Variants in ABCB6 observed in about 807,000 individuals in gnomAD.
ABCB6 encodes the protein ATP binding cassette subfamily B member 6 (LAN blood group).
Under a neutral mutation model 99.4 loss-of-function variants are expected in ABCB6, and 87 were observed. The ratio of observed to expected loss-of-function variants is 0.88; its 90% CI spans 0.74 to 1.05. The LOEUF (loss-of-function observed/expected upper bound fraction) is 1.05, where lower values mean the gene tolerates loss of function less well. ABCB6 is among the 50% of genes least tolerant of loss of function. The pLI is 0.00. For synonymous variants in ABCB6, 482 were observed against 447.5 expected, an observed-to-expected ratio of 1.08 and a Z score of -0.97; for missense variants, 1,050 against 1,097.9, an observed-to-expected ratio of 0.96 and a Z score of 0.62.
At chr2:219,212,685 CTAA>C (rs546184395) in intron 13 of ABCB6, among the ~76,000 whole-genome samples, 194 bp from the exon 14 acceptor site, 2,223 of 152,256 alleles carry the variant, frequency 0.015, 40 homozygotes, top group Middle Eastern at 0.027. Context: ...CCATGCCCGG[CTAA>C]TTTTTGTATT....
rs949536000 is a variant in ABCB6 at position 219,218,316 on chromosome 2, A to T, written c.358T>A (p.Cys120Ser). The T allele has an allele frequency of 6.2e-7, 1 of 1,613,204 alleles. No homozygotes were observed. Among genetic ancestry groups the T allele is most frequent in the Non-Finnish European group, 8.5e-7 (1 of 1,180,046 alleles). ...ASVLESLAGA[C>S]GLWLLVVERS... ...TCCACGACAAGCAGCCACAGGCCAC[A>T]GGCGCCGGCCAGACTCTCCAGCACG... Residue 120 changes from cysteine to serine, a missense_variant, in exon 1 of 19, where the codon TGT becomes AGT. Transcript: ENST00000265316.
At chr2:219,210,162 A>T in intron 18 of ABCB6, 68 bp downstream of exon 18, 1 of 1,600,266 alleles carries the variant, frequency 6.2e-7, no homozygotes, top group Non-Finnish European at 8.6e-7. Flanking sequence ...AGCCCCTGGG[A>T]CTTCATGCCC....
intron 5 of ABCB6, chr2:219,215,385 A>C: frequency 1.3e-5 from 4 of 307,160 alleles, no homozygotes; most frequent in South Asian, 7.8e-5. Flanking sequence ...TTTAGGAAAA[A>C]CCTCCACAAT....
At chr2:219,213,111 G>A in intron 12 of ABCB6, 46 bp from the exon 13 acceptor site, 1 of 1,610,382 alleles carries the variant, frequency 6.2e-7, no homozygotes, top group Non-Finnish European at 8.5e-7. Context: ...TCCATCACCA[G>A]AGCTGCTAGT....
At chr2:219,211,883 C>G (rs1468834116) in intron 14 of ABCB6, among the ~76,000 whole-genome samples, 1 of 151,830 alleles carries the variant, frequency 6.6e-6, no homozygotes, top group Non-Finnish European at 1.5e-5. Context: ...CCTGCCTCAG[C>G]TTCCCGAGTA....
At chr2:219,217,618 T>G in intron 2 of ABCB6, 52 bp downstream of exon 2, 1 of 1,496,244 alleles carries the variant, frequency 6.7e-7, no homozygotes, top group East Asian at 2.3e-5. Flanking sequence ...CACTCCAGCC[T>G]GGTGACAGAG....
Position 219,218,679 on chromosome 2 carries a change from T to A in ABCB6, c.-6A>T. ...TAGTTGCCCACAGTCACCATGGCAA[T>A]GCGTGGACGCCGGCCGAGGCTGCGG... is the stretch of plus-strand genomic sequence containing the variant. On this transcript the variant is annotated 5_prime_UTR_variant, in exon 1 of 19. Coordinates refer to ENST00000265316, the MANE Select transcript of ABCB6 (RefSeq NM_005689.4). 1 of 1,537,830 alleles carries A rather than the reference T, an allele frequency of 6.5e-7. No homozygotes were observed. Among genetic ancestry groups the A allele is most frequent in the Non-Finnish European group, 8.8e-7 (1 of 1,140,702 alleles).
chr2:219,214,921 T>G lies in ABCB6; in HGVS notation c.1276+40A>C, dbSNP rs200049636. The G allele has an allele frequency of 2.4e-3, 3,900 of 1,613,230 alleles. 11 individuals carry two copies. Among genetic ancestry groups the G allele is most frequent in the Non-Finnish European group, 3.0e-3 (3,528 of 1,179,578 alleles). On this transcript the variant is annotated intron_variant, in intron 6 of 18. Transcript: ENST00000265316. ...CACAGCTCATGGCCAAGGGAGTCCCTGGATAGTTCAGGGAGACGGTGTCTC... is the reference window on the plus strand; with the variant it reads ...CACAGCTCATGGCCAAGGGAGTCCCGGGATAGTTCAGGGAGACGGTGTCTC...
intron 1 of ABCB6, 79 bp downstream of exon 1, chr2:219,218,046 A>G: frequency 6.7e-7 from 1 of 1,501,844 alleles, no homozygotes; most frequent in Non-Finnish European, 8.9e-7. Flanking sequence ...TAAAGCCTGG[A>G]AGCAGTGTGA....
At chr2:219,213,196 G>A in intron 12 of ABCB6, 45 bp downstream of exon 12, 1 of 1,609,656 alleles carries the variant, frequency 6.2e-7, no homozygotes, top group East Asian at 2.2e-5. Context: ...GGAAGGCAGT[G>A]TGCAAATGAA....
chr2:219,214,169 G>A lies in ABCB6; in HGVS notation c.1404C>T (p.Ala468=), dbSNP rs144749234. ...GATAGCGTTCCACTTCGTAACTCTCGGCGTTGTAATACTTCACCTGATGAA... is the reference window on the plus strand; with the variant it reads ...GATAGCGTTCCACTTCGTAACTCTCAGCGTTGTAATACTTCACCTGATGAA... ...LNFETVKYYN[A]ESYEVERYRE... Residue 468 remains alanine (A), a synonymous_variant, in exon 8 of 19, where the codon GCC becomes GCT. Transcript: ENST00000265316. 78 of 1,613,982 alleles carry A rather than the reference G, an allele frequency of 4.8e-5. 1 individual carries two copies. The highest frequency in any genetic ancestry group is 3.3e-4 in the Middle Eastern group (2 of 6,084).
intron 13 of ABCB6, 116 bp from the exon 14 acceptor site, chr2:219,212,607 C>G (rs1950592471): frequency 1.3e-6 from 1 of 762,340 alleles, no homozygotes; most frequent in African/African-American, 1.7e-5. Flanking sequence ...ACTAGAACCT[C>G]TGCCTCCCAG....
chr2:219,214,627 G>T, intron 6 of ABCB6, 129 bp from the exon 7 acceptor site: 1 of 717,964 alleles, frequency 1.4e-6, no homozygotes, highest in Non-Finnish European at 2.4e-6. Context: ...GATTCCACAG[G>T]GAGGCACCTC....
intron 7 of ABCB6, 81 bp downstream of exon 7, chr2:219,214,308 C>G: frequency 6.8e-7 from 1 of 1,478,066 alleles, no homozygotes; most frequent in Non-Finnish European, 9.5e-7. Context: ...ACACCCCCAG[C>G]TCTCTGTCAG....
At position 219,213,239 on chromosome 2, in the gene ABCB6, AC is replaced by A. The variant is rs780847738; in HGVS notation, c.1805+1del. ...GCAAAGGAAGCAAAAGGAAGGCCTC[AC>A]CCATCGGCATAGCTGAAGTGCACGT... On this transcript the variant is annotated splice_donor_variant, in intron 12 of 18. Transcript: ENST00000265316. LOFTEE classifies it high-confidence loss of function. 3 of 1,614,158 alleles carry A rather than the reference AC, an allele frequency of 1.9e-6. No individual in the cohort carries two copies. In the African/African-American group the frequency reaches 4.0e-5, roughly 22 times the overall value.
At chr2:219,217,944 C>A in intron 1 of ABCB6, 137 bp from the exon 2 acceptor site, 2 of 1,324,368 alleles carry the variant, frequency 1.5e-6, no homozygotes, top group Non-Finnish European at 2.0e-6. Context: ...AAAGCAAAAC[C>A]ACAGTGACTC....
Position 219,213,649 on chromosome 2 carries a change from G to C in ABCB6, c.1596C>G (p.Leu532=), listed in dbSNP as rs915079706. The C allele has an allele frequency of 6.2e-7, 1 of 1,614,184 alleles. No homozygotes were observed. Among genetic ancestry groups the C allele is most frequent in the Non-Finnish European group, 8.5e-7 (1 of 1,180,048 alleles). ...EQKLQVGDYV[L]FGTYIIQLYM... ...ACAGCTGGATAATGTAGGTGCCAAA[G>C]AGCACATAGTCCCCAACCTGTGGCA... The change falls in exon 10 of 19, where the codon CTC becomes CTG. Residue 532 remains leucine, a synonymous_variant. Transcript: ENST00000265316.
intron 7 of ABCB6, 60 bp from the exon 8 acceptor site, chr2:219,214,246 C>G: frequency 6.5e-7 from 1 of 1,550,324 alleles, no homozygotes; most frequent in Non-Finnish European, 8.9e-7. Context: ...TCGGGTCATT[C>G]CCCCCAACTC....
Position 219,209,859 on chromosome 2 carries a change from G to A in ABCB6, c.*79C>T, listed in dbSNP as rs1950552080. 3 of 1,122,706 alleles carry A rather than the reference G, an allele frequency of 2.7e-6. No individual in the cohort carries two copies. The highest frequency in any genetic ancestry group is 2.5e-5 in the South Asian group (2 of 79,998). The allele number at this position is 1,122,706 out of a possible 1,614,324, so 69.5% of individuals were successfully genotyped here. A position where few individuals can be genotyped will look rare whatever the true frequency, so the allele number is the denominator to read the frequency against. On this transcript the variant is annotated 3_prime_UTR_variant, in exon 19 of 19. Coordinates refer to ENST00000265316, the MANE Select transcript of ABCB6 (RefSeq NM_005689.4). Reference sequence around the variant, plus strand: ...AGCTAGCACCATACCCCAAGACCAGGATGAAATAAGCCAGGGAAAGGAGAC... The same window carrying A: ...AGCTAGCACCATACCCCAAGACCAGAATGAAATAAGCCAGGGAAAGGAGAC...
Sources: allele counts gnomAD v4.1 joint callset (sites outside exome capture counted in the v4.1 genomes callset), GRCh38; gene constraint gnomAD v4.1.1; transcripts MANE v1.5; gene names NCBI Gene and HGNC (gene_info 2026-07-23, HGNC 2026-07-21).